Variants in ALK observed in about 807,000 individuals in gnomAD.
The protein encoded by ALK is ALK receptor tyrosine kinase.
A neutral mutation model predicts 163.1 loss-of-function variants in ALK; 74 were observed. The ratio of observed to expected loss-of-function variants is 0.45; its 90% CI spans 0.38 to 0.55. The LOEUF is 0.55. ALK is among the 20% of genes least tolerant of loss of function. ALK has a pLI of 0.00. For missense variants in ALK, 2,063 were observed against 2,105.3 expected, an observed-to-expected ratio of 0.98 and a Z score of 0.39; for synonymous variants, 960 against 843.2, an observed-to-expected ratio of 1.14 and a Z score of -2.40.
chr2:29,243,084 G>A (rs1355056521), intron 12 of ALK, among the ~76,000 whole-genome samples: 1 of 152,216 alleles, frequency 6.6e-6, no homozygotes, highest in African/African-American at 2.4e-5. Context: ...GATTGCCTTA[G>A]GAGTGGGATG....
intron 3 of ALK, among the ~76,000 whole-genome samples, chr2:29,653,466 G>A (rs572315100): frequency 6.6e-6 from 1 of 152,200 alleles, no homozygotes; most frequent in East Asian, 1.9e-4. Context: ...CCTAGGGTTG[G>A]ATCGTCTTCC....
chr2:29,577,159 A>C (rs528387711), intron 3 of ALK, among the ~76,000 whole-genome samples: 1 of 152,222 alleles, frequency 6.6e-6, no homozygotes, highest in African/African-American at 2.4e-5. Flanking sequence ...TCGGGAGCCC[A>C]AGACTTCACC....
At chr2:29,889,687 TAGATAGACAGAGAGAG>T (rs1240247818) in intron 1 of ALK, among the ~76,000 whole-genome samples, 1 of 40,782 alleles carries the variant, frequency 2.5e-5, no homozygotes, top group Non-Finnish European at 6.8e-5. Context: ...TCTATATAGA[TAGATAGACAGAGAGAG>T]AGAGAGAGAG....
intron 1 of ALK, among the ~76,000 whole-genome samples, chr2:29,840,554 C>G (rs1665672409): frequency 6.6e-6 from 1 of 152,122 alleles, no homozygotes; most frequent in African/African-American, 2.4e-5. Flanking sequence ...GAATCTAATT[C>G]CTTTCCCTTT....
At chr2:29,335,794 C>G (rs1214587213) in intron 5 of ALK, among the ~76,000 whole-genome samples, 1 of 152,156 alleles carries the variant, frequency 6.6e-6, no homozygotes, top group Non-Finnish European at 1.5e-5. Flanking sequence ...AATCGCAGCA[C>G]TTTGGTGGGC....
chr2:29,209,017 C>A (rs1669390875), intron 25 of ALK, among the ~76,000 whole-genome samples: 1 of 152,168 alleles, frequency 6.6e-6, no homozygotes, highest in South Asian at 2.1e-4. Flanking sequence ...CTCCACATCT[C>A]CTGGGGTGGC....
chr2:29,277,004 G>A (rs1665564884), intron 9 of ALK, among the ~76,000 whole-genome samples: 1 of 152,110 alleles, frequency 6.6e-6, no homozygotes, highest in South Asian at 2.1e-4. Flanking sequence ...TCTGATAAAG[G>A]TGTTAGAAAA....
chr2:29,690,258 T>C (rs1050169414), intron 3 of ALK, among the ~76,000 whole-genome samples: 2 of 152,132 alleles, frequency 1.3e-5, no homozygotes, highest in Admixed American at 1.3e-4. Flanking sequence ...AGAACCTCAG[T>C]AGCAGTGCTG....
chr2:29,344,097 T>C (rs1667879043), intron 5 of ALK, among the ~76,000 whole-genome samples: 1 of 152,198 alleles, frequency 6.6e-6, no homozygotes, highest in African/African-American at 2.4e-5. Flanking sequence ...ATAGTAGGTA[T>C]TCAATAAATA....
At chr2:29,402,816 G>A (rs939178059) in intron 4 of ALK, among the ~76,000 whole-genome samples, 11 of 152,098 alleles carry the variant, frequency 7.2e-5, no homozygotes, top group Non-Finnish European at 1.0e-4. Flanking sequence ...GGGTTCTCTC[G>A]CCAAGCAGCT....
At chr2:29,559,373 G>A (rs906979656) in intron 3 of ALK, among the ~76,000 whole-genome samples, 1 of 152,220 alleles carries the variant, frequency 6.6e-6, no homozygotes, top group Non-Finnish European at 1.5e-5. Context: ...GGTAGGAGAA[G>A]CAGCCCCAAA....
chr2:29,845,032 A>T (rs1665804990), intron 1 of ALK, among the ~76,000 whole-genome samples: 1 of 152,124 alleles, frequency 6.6e-6, no homozygotes, highest in Non-Finnish European at 1.5e-5. Context: ...TAACCAACCC[A>T]GTCTCAGCCC....
intron 11 of ALK, among the ~76,000 whole-genome samples, chr2:29,273,292 A>G (rs1665442370): frequency 3.9e-5 from 6 of 152,198 alleles, no homozygotes; most frequent in Admixed American, 3.9e-4. Flanking sequence ...CTCTGCCTCC[A>G]TGAGTCTGCC....
chr2:29,426,697 G>T (rs1670142487), intron 4 of ALK, among the ~76,000 whole-genome samples: 3 of 152,052 alleles, frequency 2.0e-5, no homozygotes, highest in African/African-American at 7.2e-5. Flanking sequence ...AATTATAAAA[G>T]ACTTTTTTAA....
At chr2:29,214,125 TGA>T (rs1237435198) in intron 23 of ALK, 44 bp from the exon 24 acceptor site, 5 of 1,540,074 alleles carry the variant, frequency 3.2e-6, no homozygotes, top group Non-Finnish European at 4.5e-6. Flanking sequence ...AGCTTGTCAG[TGA>T]GAGGAGGGAA....
intron 4 of ALK, among the ~76,000 whole-genome samples, chr2:29,460,957 G>A (rs1175859493): frequency 1.3e-5 from 2 of 152,168 alleles, no homozygotes; most frequent in African/African-American, 4.8e-5. Context: ...AGTTCTTGGA[G>A]GACTTTTAAT....
intron 4 of ALK, among the ~76,000 whole-genome samples, chr2:29,473,141 T>C (rs1671412189): frequency 6.6e-6 from 1 of 152,228 alleles, no homozygotes; most frequent in Non-Finnish European, 1.5e-5. Flanking sequence ...TTTAAAACAG[T>C]GTGGTACTTG....
intron 1 of ALK, among the ~76,000 whole-genome samples, chr2:29,773,636 A>G (rs1681089050): frequency 6.6e-6 from 1 of 152,240 alleles, no homozygotes; most frequent in Admixed American, 6.5e-5. Context: ...TCAGACAAAT[A>G]TAAGTAAAAC....
chr2:29,823,677 A>C (rs1413594816), intron 1 of ALK, among the ~76,000 whole-genome samples: 1 of 152,172 alleles, frequency 6.6e-6, no homozygotes, highest in Non-Finnish European at 1.5e-5. Context: ...GAGATGATTT[A>C]GGGTATCTGG....
Sources: allele counts gnomAD v4.1 joint callset (sites outside exome capture counted in the v4.1 genomes callset), GRCh38; gene constraint gnomAD v4.1.1; transcripts MANE v1.5; gene names NCBI Gene and HGNC (gene_info 2026-07-23, HGNC 2026-07-21).